SPATA32: variants seen among roughly 807,000 people sequenced by gnomAD.
The protein encoded by SPATA32 is spermatogenesis associated 32.
SPATA32 carries 28 observed loss-of-function variants against 35.4 expected under a neutral mutation model. That is an observed-to-expected ratio of 0.79 (90% CI 0.59 to 1.09). SPATA32 has a LOEUF of 1.09. SPATA32 is among the 50% of genes least tolerant of loss of function. The pLI is 0.00. For synonymous variants in SPATA32, 168 were observed against 196.3 expected, an observed-to-expected ratio of 0.86 and a Z score of 1.20; for missense variants, 409 against 475.9, an observed-to-expected ratio of 0.86 and a Z score of 1.31.
Position 45,255,066 on chromosome 17 carries a change from C to T in SPATA32, c.1067+49G>A, listed in dbSNP as rs780632393. 8 of 1,574,778 alleles carry T rather than the reference C, an allele frequency of 5.1e-6. No homozygotes were observed. Among genetic ancestry groups the T allele is most frequent in the African/African-American group, 2.7e-5 (2 of 74,036 alleles). On this transcript the variant is annotated intron_variant, in intron 4 of 4. Coordinates refer to ENST00000331780, the MANE Select transcript of SPATA32 (RefSeq NM_152343.3). The surrounding 1 kb of genome is among the most constrained non-coding windows in gnomAD (Gnocchi z 5.4). The stretch of plus-strand genomic sequence containing the variant: ...CCCAGCTGTGTGAGGACCCCTGCCA[C>T]GTTCTAGCACAGCCCCTCTATGGGA...
chr17:45,255,175 C>T lies in SPATA32; in HGVS notation c.1007G>A (p.Gly336Glu), dbSNP rs1220577794. ...KPGIKRATIK[G>E]QIQLLQPPAT... ...TGGTGGCTGGAGAAGCTGGATTTGC[C>T]CTTTGATGGTGGCCCTCTTGATCCC... is the stretch of plus-strand genomic sequence containing the variant. The change falls in exon 4 of 5, where the codon GGG becomes GAG. Residue 336 changes from glycine to glutamate, a missense_variant. Gly to Glu is a moderately conservative substitution (Grantham distance 98). Transcript: ENST00000331780. The surrounding 1 kb of genome is among the most constrained non-coding windows in gnomAD (Gnocchi z 5.4). 4 of 1,614,078 alleles carry T rather than the reference C, an allele frequency of 2.5e-6. No individual in the cohort carries two copies. Among genetic ancestry groups the T allele is most frequent in the African/African-American group, 2.7e-5 (2 of 74,918 alleles).
At chr17:45,257,275 GCCAGCCC>G in intron 1 of SPATA32, 68 bp from the exon 2 acceptor site, 12 of 1,510,856 alleles carry the variant, frequency 7.9e-6, no homozygotes, top group Non-Finnish European at 1.1e-5. Flanking sequence ...GGATTCCGGA[GCCAGCCC>G]CCTTTTCCTG....
In SPATA32 at chr17:45,254,480, T is replaced by C. The variant is rs774542012; in HGVS notation, c.1101A>G (p.Pro367=). The change falls in exon 5 of 5, where the codon CCA becomes CCG. Residue 367 remains proline, a synonymous_variant. Coordinates refer to ENST00000331780, the MANE Select transcript of SPATA32 (RefSeq NM_152343.3). ...SVPPGKEKEN[P]LLVKIHFKLS... is the part of the protein sequence containing the mutation. Reference sequence around the variant, plus strand: ...GCTTAAAATGGATTTTCACCAATAATGGATTCTCTTTCTCTTTTCCTGGCG... The same window carrying C: ...GCTTAAAATGGATTTTCACCAATAACGGATTCTCTTTCTCTTTTCCTGGCG... The C allele has an allele frequency of 1.9e-6, 3 of 1,614,138 alleles. No homozygotes were observed. Among genetic ancestry groups the C allele is most frequent in the South Asian group, 1.1e-5 (1 of 91,086 alleles).
rs1459332305 is a variant in SPATA32 at position 45,256,561 on chromosome 17, A to T, written c.69-146T>A. 2 of 708,164 alleles carry T rather than the reference A, an allele frequency of 2.8e-6. No individual in the cohort carries two copies. The highest frequency in any genetic ancestry group is 5.1e-6 in the Non-Finnish European group (2 of 392,842). The allele number at this position is 708,164 out of a possible 1,614,324, so 43.9% of individuals were successfully genotyped here. A position where few individuals can be genotyped will look rare whatever the true frequency, so the allele number is the denominator to read the frequency against. ...CGACCACCCCGCCACCAGCTCATCC[A>T]CTCCCCTGCTGTCCCACTCCACTGC... On this transcript the variant is annotated intron_variant, in intron 2 of 4. Coordinates refer to ENST00000331780, the MANE Select transcript of SPATA32 (RefSeq NM_152343.3). This position sits in a 1 kb window ranked among gnomAD's most constrained non-coding sequence, Gnocchi z 4.7.
intron 4 of SPATA32, 51 bp from the exon 5 acceptor site, chr17:45,254,564 GA>G: frequency 6.3e-7 from 1 of 1,575,312 alleles, no homozygotes; most frequent in Non-Finnish European, 8.7e-7. Flanking sequence ...GTGGTTGAAG[GA>G]GAGGGGTGAG....
intron 1 of SPATA32, among the ~76,000 whole-genome samples, chr17:45,258,357 CCT>C (rs1219579097): frequency 1.3e-5 from 2 of 152,168 alleles, no homozygotes; most frequent in Non-Finnish European, 2.9e-5. Flanking sequence ...TCCAACTCCC[CCT>C]GTCCCAGGTC....
At position 45,256,172 on chromosome 17, in the gene SPATA32, TC is replaced by T; in HGVS notation, c.109-100del. 7.3e-7 allele frequency: 1 copy of T among 1,375,370 alleles called. No individual in the cohort carries two copies. The highest frequency in any genetic ancestry group is 1.0e-6 in the Non-Finnish European group (1 of 992,514). The allele number at this position is 1,375,370 out of a possible 1,614,324, so 85.2% of individuals were successfully genotyped here. A position where few individuals can be genotyped will look rare whatever the true frequency, so the allele number is the denominator to read the frequency against. The stretch of plus-strand genomic sequence containing the variant: ...GTCCCTGCCCCACCCCTGCCCTGGG[TC>T]CTGCTGTCTTCCCCCCGCCCCCTAA... On this transcript the variant is annotated intron_variant, in intron 3 of 4. Coordinates refer to ENST00000331780, the MANE Select transcript of SPATA32 (RefSeq NM_152343.3). This position sits in a 1 kb window ranked among gnomAD's most constrained non-coding sequence, Gnocchi z 4.7.
Position 45,255,916 on chromosome 17 carries a change from G to A in SPATA32, c.266C>T (p.Thr89Met), listed in dbSNP as rs534833296. The A allele has an allele frequency of 2.5e-5, 41 of 1,614,082 alleles. No individual in the cohort carries two copies. The South Asian group carries it at 3.0e-4, about 12-fold the overall frequency. ...AGACTCCTCGTTCGAGTTGGCTTCC[G>A]TGTCCAGCTCAGCTTCAAGCTTGAG... ...PALKLEAELD[T>M]EANSNEESDF... The change falls in exon 4 of 5, where the codon ACG becomes ATG. Residue 89 changes from threonine to methionine, a missense_variant. Thr to Met is a moderately conservative substitution (Grantham distance 81). Coordinates refer to ENST00000331780, the MANE Select transcript of SPATA32 (RefSeq NM_152343.3). This position sits in a 1 kb window ranked among gnomAD's most constrained non-coding sequence, Gnocchi z 5.4.
Position 45,256,510 on chromosome 17 carries a change from A to G in SPATA32, c.69-95T>C, listed in dbSNP as rs2043959654. On this transcript the variant is annotated intron_variant, in intron 2 of 4. Transcript: ENST00000331780. This position sits in a 1 kb window ranked among gnomAD's most constrained non-coding sequence, Gnocchi z 4.7. The stretch of plus-strand genomic sequence containing the variant: ...CCCTCAAAGCCCTCTGCCTTGTAAC[A>G]GAAGCTGGCACGATGCACCTCCCGC... The G allele has an allele frequency of 1.8e-6, 2 of 1,125,308 alleles. No individual in the cohort carries two copies. The highest frequency in any genetic ancestry group is 2.7e-6 in the Non-Finnish European group (2 of 740,472). 69.7% of individuals were successfully genotyped at this position (1,125,308 alleles called of 1,614,324 possible). A position where few individuals can be genotyped will look rare whatever the true frequency, so the allele number is the denominator to read the frequency against.
rs148603964 is a variant in SPATA32, at chr17:45,255,609, C to T, written c.573G>A (p.Pro191=). The stretch of plus-strand genomic sequence containing the variant: ...CGTTGGTGGGGATGGCCTCCCGGAG[C>T]GGGGATCTGATGGGCTGGCCTGCGC... ...NGSAGQPIRS[P]LREAIPTNAL... The change falls in exon 4 of 5, where the codon CCG becomes CCA. Residue 191 remains proline, a synonymous_variant. Transcript: ENST00000331780. The surrounding 1 kb of genome is among the most constrained non-coding windows in gnomAD (Gnocchi z 5.4). 55 of 1,613,886 alleles carry T rather than the reference C, an allele frequency of 3.4e-5. No individual in the cohort carries two copies. Among genetic ancestry groups the T allele is most frequent in the Middle Eastern group, 1.6e-4 (1 of 6,062 alleles).
Position 45,256,100 on chromosome 17 carries a change from G to A in SPATA32, c.109-27C>T, listed in dbSNP as rs2143721290. 1 of 1,573,198 alleles carries A rather than the reference G, an allele frequency of 6.4e-7. No homozygotes were observed. The highest frequency in any genetic ancestry group is 2.4e-5 in the East Asian group (1 of 42,536). ...TGAAATGTTTCAACTCAAAGCTGAG[G>A]AGGCAGGAGCGGGAGGTCCTGCCCC... On this transcript the variant is annotated intron_variant, in intron 3 of 4. Coordinates refer to ENST00000331780, the MANE Select transcript of SPATA32 (RefSeq NM_152343.3). The surrounding 1 kb of genome is among the most constrained non-coding windows in gnomAD (Gnocchi z 4.7).
rs140275521 is a variant in SPATA32 at position 45,255,689 on chromosome 17, G to A, written c.493C>T (p.Gln165Ter). The change falls in exon 4 of 5, where the codon CAG becomes TAG. Residue 165 changes from glutamine to a stop codon, truncating the protein, a stop_gained. Coordinates refer to ENST00000331780, the MANE Select transcript of SPATA32 (RefSeq NM_152343.3). LOFTEE classifies it high-confidence loss of function. This position sits in a 1 kb window ranked among gnomAD's most constrained non-coding sequence, Gnocchi z 5.4. ...KHLFWANKLI[Q>*]ASEHSLQRAI... is the part of the protein sequence containing the mutation. ...CGCTGCAGGCTGTGCTCTGAGGCCT[G>A]GATGAGCTTGTTTGCCCAGAAGAGG... 1.0e-4 allele frequency: 165 copies of A among 1,613,936 alleles called. 2 individuals carry two copies. The highest frequency in any genetic ancestry group is 6.9e-5 in the Non-Finnish European group (81 of 1,180,052).
Position 45,255,983 on chromosome 17 carries a change from C to A in SPATA32, c.199G>T (p.Gly67Ter). 6.2e-7 allele frequency: 1 copy of A among 1,614,106 alleles called. No homozygotes were observed. Among genetic ancestry groups the A allele is most frequent in the East Asian group, 2.2e-5 (1 of 44,876 alleles). The change falls in exon 4 of 5, where the codon GGA becomes TGA. Residue 67 changes from glycine to a stop codon, truncating the protein, a stop_gained. Coordinates refer to ENST00000331780, the MANE Select transcript of SPATA32 (RefSeq NM_152343.3). LOFTEE classifies it high-confidence loss of function. This position sits in a 1 kb window ranked among gnomAD's most constrained non-coding sequence, Gnocchi z 5.4. ...GACTCCAGTAAAGCCGGCACCTGTC[C>A]GATCTCCAGTTCTGGGTCTGGGTCT... Reference protein sequence around the residue: ...DPDPDPELEIGQVPALLESEL... With the variant: ...DPDPDPELEI
chr17:45,257,131 G>T, intron 2 of SPATA32, 22 bp downstream of exon 2: 6 of 1,611,228 alleles, frequency 3.7e-6, no homozygotes, highest in Non-Finnish European at 5.1e-6. Context: ...GAGGCCCTAC[G>T]TTGATTGAGG....
At chr17:45,261,896 AC>A (rs2044013159) in intron 1 of SPATA32, 107 bp downstream of exon 1, 3 of 1,178,890 alleles carry the variant, frequency 2.5e-6, no homozygotes, top group Non-Finnish European at 3.2e-6. Context: ...GAGCAGGGGA[AC>A]GGGCCCTGGG....
chr17:45,257,323 C>T, intron 1 of SPATA32, 116 bp from the exon 2 acceptor site: 2 of 1,160,362 alleles, frequency 1.7e-6, no homozygotes, highest in Non-Finnish European at 2.5e-6. Context: ...GGCTGCTATT[C>T]CCCCTCACCG....
rs2044016227 is a variant in SPATA32 at position 45,262,074 on chromosome 17, C to T, written c.-58G>A. 1 of 1,310,214 alleles carries T rather than the reference C, an allele frequency of 7.6e-7. No individual in the cohort carries two copies. The highest frequency in any genetic ancestry group is 9.8e-7 in the Non-Finnish European group (1 of 1,020,928). 81.2% of individuals were successfully genotyped at this position (1,310,214 alleles called of 1,614,324 possible). On this transcript the variant is annotated 5_prime_UTR_variant, in exon 1 of 5. Coordinates refer to ENST00000331780, the MANE Select transcript of SPATA32 (RefSeq NM_152343.3). ...CGGGCTGGTGGATGCTGCCTCTCCG[C>T]CTCCAGTGTGCTCTTTGGCTGAGGG...
chr17:45,255,133 A>G lies in SPATA32; in HGVS notation c.1049T>C (p.Leu350Pro), dbSNP rs1351475056. The G allele has an allele frequency of 6.2e-7, 1 of 1,614,174 alleles. No homozygotes were observed. Among genetic ancestry groups the G allele is most frequent in the East Asian group, 2.2e-5 (1 of 44,878 alleles). Reference sequence around the variant, plus strand: ...CACTCACTCTTCCTTGCTTCCCTGCAGCAGAGGGGACGTGGCTGGTGGCTG... The same window carrying G: ...CACTCACTCTTCCTTGCTTCCCTGCGGCAGAGGGGACGTGGCTGGTGGCTG... ...LLQPPATSPLLQGSKEDSVPP... is the reference protein window; with the variant it reads ...LLQPPATSPLPQGSKEDSVPP... The change falls in exon 4 of 5, where the codon CTG becomes CCG. Residue 350 changes from leucine (L) to proline (P), a missense_variant. Coordinates refer to ENST00000331780, the MANE Select transcript of SPATA32 (RefSeq NM_152343.3). The surrounding 1 kb of genome is among the most constrained non-coding windows in gnomAD (Gnocchi z 5.4).
rs1296265059 is a variant in SPATA32, at chr17:45,255,623, G to C, written c.559C>G (p.Pro187Ala). 1.2e-6 allele frequency: 2 copies of C among 1,613,858 alleles called. No homozygotes were observed. The highest frequency in any genetic ancestry group is 1.7e-6 in the Non-Finnish European group (2 of 1,180,036). The change falls in exon 4 of 5, where the codon CCC becomes GCC. Residue 187 changes from proline (P) to alanine (A), a missense_variant. Pro to Ala is a conservative substitution (Grantham distance 27, BLOSUM62 -1). Coordinates refer to ENST00000331780, the MANE Select transcript of SPATA32 (RefSeq NM_152343.3). The surrounding 1 kb of genome is among the most constrained non-coding windows in gnomAD (Gnocchi z 5.4). ...GCCTCCCGGAGCGGGGATCTGATGGGCTGGCCTGCGCTGCCATTGTTGAGC... is the reference window on the plus strand; with the variant it reads ...GCCTCCCGGAGCGGGGATCTGATGGCCTGGCCTGCGCTGCCATTGTTGAGC... ...MQLNNGSAGQPIRSPLREAIP... is the reference protein window; with the variant it reads ...MQLNNGSAGQAIRSPLREAIP...
Sources: allele counts gnomAD v4.1 joint callset (sites outside exome capture counted in the v4.1 genomes callset), GRCh38; gene constraint gnomAD v4.1.1; non-coding constraint Gnocchi (gnomAD v3.1); transcripts MANE v1.5; gene names NCBI Gene and HGNC (gene_info 2026-07-23, HGNC 2026-07-21).